Variants in GALNT13 observed in about 807,000 individuals in gnomAD.
GALNT13 encodes the protein polypeptide N-acetylgalactosaminyltransferase 13.
GALNT13 carries 28 observed loss-of-function variants against 64.2 expected under a neutral mutation model. The ratio of observed to expected loss-of-function variants is 0.44; its 90% CI spans 0.32 to 0.60. GALNT13 has a LOEUF of 0.60. Ranked by LOEUF, GALNT13 falls within the 20% of genes least tolerant of loss-of-function variation. The pLI, the probability that GALNT13 is intolerant of heterozygous loss-of-function variation, is 0.05. For missense variants in GALNT13, 577 were observed against 669.8 expected, an observed-to-expected ratio of 0.86 and a Z score of 1.53; for synonymous variants, 214 against 224.6, an observed-to-expected ratio of 0.95 and a Z score of 0.42.
chr2:153,530,572 G>C, the GALNT13 span, among the ~76,000 whole-genome samples: 23 of 152,184 alleles, frequency 1.5e-4, no homozygotes, highest in African/African-American at 5.3e-4. Flanking sequence ...AAGCTATTCT[G>C]AGCAAAAATA....
the GALNT13 span, among the ~76,000 whole-genome samples, chr2:153,072,228 G>C: frequency 2.0e-5 from 3 of 152,296 alleles, no homozygotes; most frequent in African/African-American, 7.2e-5. Flanking sequence ...GCGTGGCTTT[G>C]TGTAAGGGCC....
At chr2:153,229,642 A>G in the GALNT13 span, among the ~76,000 whole-genome samples, 2 of 152,168 alleles carry the variant, frequency 1.3e-5, no homozygotes, top group African/African-American at 4.8e-5. Context: ...ACTGCTATAT[A>G]CTTTCCTTTC....
chr2:153,162,075 A>T, the GALNT13 span, among the ~76,000 whole-genome samples: 2 of 152,118 alleles, frequency 1.3e-5, no homozygotes, highest in African/African-American at 2.4e-5. Flanking sequence ...TGAATCTTTG[A>T]CATGAGATAA....
At chr2:154,272,701 A>T (rs1000076877) in intron 8 of GALNT13, among the ~76,000 whole-genome samples, 7 of 152,132 alleles carry the variant, frequency 4.6e-5, no homozygotes, top group African/African-American at 1.7e-4. Flanking sequence ...AAACAAAATG[A>T]TGCTGAAAAT....
chr2:153,270,274 A>T, the GALNT13 span, among the ~76,000 whole-genome samples: 1 of 151,670 alleles, frequency 6.6e-6, no homozygotes, highest in Admixed American at 6.6e-5. Context: ...TAAAGAGTTC[A>T]TGGTGGGCAA....
chr2:153,965,043 A>G (rs757926560), intron 3 of GALNT13, among the ~76,000 whole-genome samples: 6 of 152,128 alleles, frequency 3.9e-5, no homozygotes. Flanking sequence ...TTTTTATGTA[A>G]TGGAAAGGAT....
chr2:153,844,115 C>A, the GALNT13 span, among the ~76,000 whole-genome samples: 4 of 152,150 alleles, frequency 2.6e-5, no homozygotes, highest in African/African-American at 9.7e-5. Flanking sequence ...ATTGGGGACT[C>A]TTTGTGGGGG....
the GALNT13 span, among the ~76,000 whole-genome samples, chr2:153,554,305 G>T: frequency 1.3e-5 from 2 of 152,006 alleles, no homozygotes; most frequent in South Asian, 4.1e-4. Flanking sequence ...CTGCACTCCA[G>T]CCTGGGTGAC....
chr2:153,923,615 T>C (rs988854797), intron 2 of GALNT13, among the ~76,000 whole-genome samples: 2 of 151,996 alleles, frequency 1.3e-5, no homozygotes, highest in Admixed American at 6.6e-5. Context: ...TATGTATACA[T>C]GTGCCATGTT....
chr2:153,766,653 C>T, the GALNT13 span, among the ~76,000 whole-genome samples: 1 of 152,070 alleles, frequency 6.6e-6, no homozygotes, highest in Admixed American at 6.5e-5. Context: ...CTTTCTATTG[C>T]ACTTTTTCTT....
chr2:153,216,926 G>A, the GALNT13 span, among the ~76,000 whole-genome samples: 1 of 151,768 alleles, frequency 6.6e-6, no homozygotes, highest in Admixed American at 6.6e-5. Context: ...AAATCTTATA[G>A]TTTTAGGTTT....
At chr2:153,758,462 C>G in the GALNT13 span, among the ~76,000 whole-genome samples, 2 of 151,908 alleles carry the variant, frequency 1.3e-5, no homozygotes, top group African/African-American at 4.8e-5. Flanking sequence ...GCAAGATTGT[C>G]TTGGAAATTT....
intron 3 of GALNT13, among the ~76,000 whole-genome samples, chr2:153,983,649 G>A (rs574605166): frequency 6.6e-6 from 1 of 151,990 alleles, no homozygotes; most frequent in Admixed American, 6.6e-5. Context: ...ATTAAAATGA[G>A]ATTCCATTTG....
chr2:154,374,668 A>G (rs1414073386), intron 9 of GALNT13, among the ~76,000 whole-genome samples: 1 of 152,202 alleles, frequency 6.6e-6, no homozygotes, highest in African/African-American at 2.4e-5. Flanking sequence ...TTGTAAACAC[A>G]TGGAAACATG....
chr2:153,112,242 T>C, the GALNT13 span, among the ~76,000 whole-genome samples: 60 of 152,270 alleles, frequency 3.9e-4, no homozygotes, highest in African/African-American at 1.4e-3. Flanking sequence ...ATCTACTCCT[T>C]CCTTTATTTC....
chr2:154,318,560 T>C (rs1383502535), intron 9 of GALNT13, among the ~76,000 whole-genome samples: 2 of 151,994 alleles, frequency 1.3e-5, no homozygotes, highest in African/African-American at 2.4e-5. Flanking sequence ...ACCCCATCTC[T>C]ACTAAAATAC....
intron 1 of GALNT13, among the ~76,000 whole-genome samples, chr2:153,882,096 A>G (rs1396581157): frequency 1.3e-5 from 2 of 151,970 alleles, no homozygotes. Context: ...TAAGTCAAGC[A>G]TTAAATGGAG....
the GALNT13 span, chr2:153,356,552 G>T: frequency 6.6e-6 from 1 of 152,172 alleles, no homozygotes; most frequent in Non-Finnish European, 1.5e-5. Flanking sequence ...AGAAATGAGA[G>T]AGTGCACAAC....
At chr2:153,452,182 G>T in the GALNT13 span, among the ~76,000 whole-genome samples, 2 of 152,098 alleles carry the variant, frequency 1.3e-5, no homozygotes, top group Admixed American at 1.3e-4. Flanking sequence ...TGATGCTGTG[G>T]CCCAAACAAC....
Sources: gnomAD v4.1 joint callset for allele counts (sites outside exome capture counted in the v4.1 genomes callset) on GRCh38, gnomAD v4.1.1 for gene constraint, MANE v1.5 for transcripts, NCBI Gene and HGNC (gene_info 2026-07-23, HGNC 2026-07-21) for gene names.